IL1R1: variants seen among roughly 807,000 people sequenced by gnomAD.
The protein encoded by IL1R1 is interleukin-1 receptor type 1.
A neutral mutation model predicts 50.2 loss-of-function variants in IL1R1; 22 were observed. The ratio of observed to expected loss-of-function variants is 0.44; its 90% CI spans 0.31 to 0.63. IL1R1 has a LOEUF of 0.63. Ranked by LOEUF, IL1R1 falls within the 20% of genes least tolerant of loss-of-function variation. The pLI is 0.07. For missense variants in IL1R1, 509 were observed against 676.2 expected (o/e 0.75, Z 2.74); for synonymous variants, 251 against 236.7 (o/e 1.06, Z -0.55).
chr2:102,149,849 G>A (rs1296693387), intron 1 of IL1R1, among the ~76,000 whole-genome samples: 5 of 152,258 alleles, frequency 3.3e-5, no homozygotes, highest in Admixed American at 1.3e-4. Flanking sequence ...GGAGCCATGC[G>A]GTGGGACTGC....
At chr2:102,140,098 C>T (rs1418393570), upstream of IL1R1, among the ~76,000 whole-genome samples, 1 of 152,188 alleles carries the variant, frequency 6.6e-6, no homozygotes, top group East Asian at 1.9e-4. Context: ...CATTACCATA[C>T]ATTCTTCTGT....
chr2:102,126,095 T>A (rs1681695491), intron 1 of IL1R1, among the ~76,000 whole-genome samples: 1 of 152,226 alleles, frequency 6.6e-6, no homozygotes, highest in Non-Finnish European at 1.5e-5. Flanking sequence ...TTTCATAATA[T>A]CCCCTAAGTG....
At chr2:102,151,417 G>A (rs1683641886) in intron 1 of IL1R1, among the ~76,000 whole-genome samples, 1 of 152,142 alleles carries the variant, frequency 6.6e-6, no homozygotes, top group South Asian at 2.1e-4. Flanking sequence ...AAAATGGTGG[G>A]TAGGTAGGTA....
chr2:102,121,037 T>TTAATCTGCATCCTGCAGGGTTTCCC (rs1330455490), intron 1 of IL1R1, among the ~76,000 whole-genome samples: 2 of 152,290 alleles, frequency 1.3e-5, no homozygotes, highest in Admixed American at 6.5e-5. Context: ...GGCCCTAGTG[T>TTAATCTGCATCCTGCAGGGTTTCCC]TAATCTGCAT....
chr2:102,166,354 C>T lies in IL1R1; in HGVS notation c.655+73C>T, dbSNP rs116006734. 647 of 1,161,328 alleles carry T rather than the reference C, an allele frequency of 5.6e-4. 2 individuals carry two copies. In the African/African-American group the frequency reaches 9.0e-3, roughly 16 times the overall value. 71.9% of individuals were successfully genotyped at this position (1,161,328 alleles called of 1,614,324 possible). The stretch of plus-strand genomic sequence containing the variant: ...GAGACTGTGATTCTAATACTACTTT[C>T]ATTATCCATGAAGAAACCAAATCCA... On this transcript the variant is annotated intron_variant, in intron 6 of 11. Transcript: ENST00000410023.
At chr2:102,157,814 T>C (rs55849392) in intron 3 of IL1R1, 29 bp downstream of exon 3, 20 of 1,437,540 alleles carry the variant, frequency 1.4e-5, no homozygotes, top group Non-Finnish European at 1.9e-5. Flanking sequence ...TGTGTTCTTG[T>C]CTGCTAAGAA....
At chr2:102,103,534 G>A (rs1319140563), upstream of IL1R1, among the ~76,000 whole-genome samples, 1 of 152,182 alleles carries the variant, frequency 6.6e-6, no homozygotes, top group African/African-American at 2.4e-5. Flanking sequence ...AACAATGACA[G>A]GAAAGTGTGT....
intron 1 of IL1R1, among the ~76,000 whole-genome samples, chr2:102,123,726 C>T (rs183308755): frequency 3.3e-5 from 5 of 151,642 alleles, no homozygotes; most frequent in Non-Finnish European, 7.4e-5. Context: ...TGCAGTTAGC[C>T]GAGATCACGC....
At chr2:102,135,283 C>T (rs2104425064) in intron 1 of IL1R1, among the ~76,000 whole-genome samples, 1 of 151,516 alleles carries the variant, frequency 6.6e-6, no homozygotes, top group East Asian at 1.9e-4. Context: ...ATAAAAAATG[C>T]TTTACGCTGT....
At chr2:102,117,789 G>C (rs1303055401) in intron 1 of IL1R1, among the ~76,000 whole-genome samples, 1 of 152,090 alleles carries the variant, frequency 6.6e-6, no homozygotes, top group East Asian at 1.9e-4. Flanking sequence ...CCAGTGTTCC[G>C]AGTGCTTGAG....
intron 1 of IL1R1, among the ~76,000 whole-genome samples, chr2:102,092,327 A>G (rs1679705875): frequency 6.6e-6 from 1 of 152,036 alleles, no homozygotes; most frequent in Non-Finnish European, 1.5e-5. Flanking sequence ...TTCTCTGAAA[A>G]TTTTGTTTTT....
At chr2:102,094,184 C>T (rs1415090709) in intron 1 of IL1R1, among the ~76,000 whole-genome samples, 2 of 152,156 alleles carry the variant, frequency 1.3e-5, no homozygotes, top group African/African-American at 4.8e-5. Context: ...AATTCTGAGT[C>T]TTTGACTAAG....
At chr2:102,136,374 ATTTTTTTTT>A (rs10664336) in intron 1 of IL1R1, among the ~76,000 whole-genome samples, 4 of 118,408 alleles carry the variant, frequency 3.4e-5, no homozygotes, top group Non-Finnish European at 6.6e-5. Flanking sequence ...GGATAACAGT[ATTTTTTTTT>A]TTTTTTTTTT....
chr2:102,086,608 CT>C (rs1390763409), intron 1 of IL1R1, among the ~76,000 whole-genome samples: 3 of 151,916 alleles, frequency 2.0e-5, no homozygotes, highest in African/African-American at 4.8e-5. Flanking sequence ...TTTCAACAGA[CT>C]TTTTTTCTTT....
At chr2:102,089,953 C>T (rs1577816659) in intron 1 of IL1R1, among the ~76,000 whole-genome samples, 1 of 151,600 alleles carries the variant, frequency 6.6e-6, no homozygotes, top group East Asian at 1.9e-4. Context: ...CCTGCCTCAG[C>T]CTCCTGAGTA....
intron 1 of IL1R1, among the ~76,000 whole-genome samples, chr2:102,072,560 G>A (rs13401717): frequency 0.48 from 73,405 of 151,474 alleles, 18,827 homozygotes; most frequent in African/African-American, 0.66. Context: ...TCTTGAACAT[G>A]TTTTTCACGT....
At chr2:102,098,765 C>A (rs1395732791) in intron 1 of IL1R1, among the ~76,000 whole-genome samples, 1 of 152,172 alleles carries the variant, frequency 6.6e-6, no homozygotes, top group Non-Finnish European at 1.5e-5. Context: ...AATTAATTTT[C>A]CATCTATTCT....
chr2:102,176,469 A>C lies in IL1R1; in HGVS notation c.1420A>C (p.Met474Leu). Reference protein sequence around the residue: ...LGGSSEEQIAMYNALVQDGIK... With the variant: ...LGGSSEEQIALYNALVQDGIK... ...TGGTTCATCTGAAGAGCAAATAGCC[A>C]TGTATAATGCTCTTGTTCAGGATGG... is the stretch of plus-strand genomic sequence containing the variant. Residue 474 changes from methionine to leucine, a missense_variant, in exon 12 of 12, where the codon ATG becomes CTG. By Grantham distance (15) the Met-to-Leu change is conservative. Coordinates refer to ENST00000410023, the MANE Select transcript of IL1R1 (RefSeq NM_000877.4). The C allele has an allele frequency of 6.2e-7, 1 of 1,614,228 alleles. No homozygotes were observed. The highest frequency in any genetic ancestry group is 8.5e-7 in the Non-Finnish European group (1 of 1,180,024).
chr2:102,144,262 G>T (rs1195742421), intron 1 of IL1R1, among the ~76,000 whole-genome samples: 1 of 152,196 alleles, frequency 6.6e-6, no homozygotes, highest in African/African-American at 2.4e-5. Context: ...GCAGGGGTGT[G>T]GAACTCTGAT....
Sources: gnomAD v4.1 joint callset for allele counts (sites outside exome capture counted in the v4.1 genomes callset) on GRCh38, gnomAD v4.1.1 for gene constraint, MANE v1.5 for transcripts, NCBI Gene and HGNC (gene_info 2026-07-23, HGNC 2026-07-21) for gene names.